The following PDZD7 variants were observed in gnomAD, a reference collection of about 807,000 sequenced individuals.
The protein encoded by PDZD7 is PDZ domain-containing protein 7.
A neutral mutation model predicts 84.7 loss-of-function variants in PDZD7; 72 were observed. The observed-to-expected ratio is 0.85, with a 90% CI of 0.70 to 1.03. PDZD7 has a LOEUF of 1.03. Ranked by LOEUF, PDZD7 falls within the 50% of genes least tolerant of loss-of-function variation. The probability of loss-of-function intolerance (pLI) is 0.00; values close to 1 mark genes in which losing one functional copy is unlikely to be tolerated. For synonymous variants in PDZD7, 594 were observed against 580.7 expected (o/e 1.02, Z -0.33); for missense variants, 1,490 against 1,412.9 (o/e 1.05, Z -0.87).
chr10:101,021,799 T>G lies in PDZD7; in HGVS notation c.866A>C (p.Lys289Thr), dbSNP rs1433728826. The G allele has an allele frequency of 6.2e-7, 1 of 1,614,182 alleles. No homozygotes were observed. Among genetic ancestry groups the G allele is most frequent in the Non-Finnish European group, 8.5e-7 (1 of 1,180,030 alleles). Residue 289 changes from lysine to threonine, a missense_variant and splice_region_variant, in exon 6 of 17, where the codon AAG becomes ACG. Physicochemically the swap from Lys to Thr is moderately conservative, Grantham distance 78 (BLOSUM62 -1). Transcript: ENST00000619208. ...KGQTHIMLTIKETGRYPAYKE... is the reference protein window; with the variant it reads ...KGQTHIMLTITETGRYPAYKE... ...CCCTACCCCCACTGTTCTGCCCACCTTGATGGTCAGCATGATGTGCGTTTG... is the reference window on the plus strand; with the variant it reads ...CCCTACCCCCACTGTTCTGCCCACCGTGATGGTCAGCATGATGTGCGTTTG...
Position 101,009,298 on chromosome 10 carries a change from T to C in PDZD7, c.2670A>G (p.Ile890Met), listed in dbSNP as rs1852315432. Residue 890 changes from isoleucine (I) to methionine (M), a missense_variant, in exon 16 of 17, where the codon ATA becomes ATG. Ile to Met is a conservative substitution (Grantham distance 10, BLOSUM62 1). Transcript: ENST00000619208. ...IESKVQPMVK[I>M]EKIFPGGAAF... ...CGGCCCCCCCAGGGAAGATCTTCTC[T>C]ATCTTCACCATGGGCTGCACCTTGG... 3 of 1,536,042 alleles carry C rather than the reference T, an allele frequency of 2.0e-6. No homozygotes were observed. Among genetic ancestry groups the C allele is most frequent in the Non-Finnish European group, 2.6e-6 (3 of 1,146,852 alleles).
At chr10:101,011,084 T>C in intron 14 of PDZD7, 2 of 1,414,392 alleles carry the variant, frequency 1.4e-6, no homozygotes, top group East Asian at 5.1e-5. Context: ...TCTCACTCTG[T>C]TGCCCAGGCG....
chr10:101,023,386 G>A (rs1226923272), intron 4 of PDZD7, 50 bp downstream of exon 4: 1 of 1,610,570 alleles, frequency 6.2e-7, no homozygotes, highest in African/African-American at 1.3e-5. Flanking sequence ...TGGTAGGGTT[G>A]GGGTGGGCTG....
Position 101,007,817 on chromosome 10 carries a change from A to AAT in PDZD7, c.*649_*650insAT, listed in dbSNP as rs1564820553. 2 of 287,118 alleles carry AAT rather than the reference A, an allele frequency of 7.0e-6. No individual in the cohort carries two copies. Among genetic ancestry groups the AAT allele is most frequent in the African/African-American group, 4.9e-5 (2 of 40,714 alleles). 17.8% of individuals were successfully genotyped at this position (287,118 alleles called of 1,614,324 possible). The stretch of plus-strand genomic sequence containing the variant: ...AAACCCAAAGAAAAAATTAAAAAAA[A>AAT]TTTTTTTGTTTAAAAATAATGTGAA... On this transcript the variant is annotated 3_prime_UTR_variant, in exon 17 of 17. Transcript: ENST00000619208.
In PDZD7 at chr10:101,030,202, T is replaced by C. The variant is rs368303229; in HGVS notation, c.18A>G (p.Ala6=). Residue 6 remains alanine, a synonymous_variant, in exon 2 of 17, where the codon GCA becomes GCG. Transcript: ENST00000619208. ...CTAGGCCCAGTGGGTCGAAGCCCAC[T>C]GCGAAACCCTGCGCCATGGCGGCTG... MAQGF[A]VGFDPLGLGD... 9.9e-6 allele frequency: 16 copies of C among 1,609,672 alleles called. No homozygotes were observed. In the African/African-American group the frequency reaches 2.1e-4, roughly 21 times the overall value.
At chr10:101,025,521 A>ATTTT (rs1283948744) in intron 2 of PDZD7, among the ~76,000 whole-genome samples, 2 of 112,198 alleles carry the variant, frequency 1.8e-5, no homozygotes, top group African/African-American at 3.8e-5. Context: ...AATGGAAGGG[A>ATTTT]TTTTATTTAT....
At chr10:101,022,683 C>T (rs781496989) in intron 4 of PDZD7, among the ~76,000 whole-genome samples, 4 of 151,844 alleles carry the variant, frequency 2.6e-5, no homozygotes, top group African/African-American at 4.8e-5. Context: ...GCAGCCTCAA[C>T]CTCCTGGGCT....
intron 8 of PDZD7, 100 bp from the exon 9 acceptor site, chr10:101,018,396 G>T: frequency 7.7e-7 from 1 of 1,296,758 alleles, no homozygotes; most frequent in Non-Finnish European, 1.1e-6. Context: ...GGAGAGGAGA[G>T]GGCAGACAGG....
At position 101,023,983 on chromosome 10, in the gene PDZD7, G is replaced by C. The variant is rs775293957; in HGVS notation, c.312C>G (p.Gly104=). Residue 104 remains glycine, a synonymous_variant, in exon 3 of 17, where the codon GGC becomes GGG. Transcript: ENST00000619208. The stretch of plus-strand genomic sequence containing the variant: ...CGAAGATGCCCAGGCCATGCTCTGA[G>C]CCCCCGCGCACGCTGAAGCCCAGCC... ...AGRLGFSVRG[G]SEHGLGIFVS... 1 of 1,614,226 alleles carries C rather than the reference G, an allele frequency of 6.2e-7. No homozygotes were observed. Among genetic ancestry groups the C allele is most frequent in the South Asian group, 1.1e-5 (1 of 91,082 alleles).
intron 11 of PDZD7, among the ~76,000 whole-genome samples, chr10:101,012,964 A>G (rs567457951): frequency 6.6e-6 from 1 of 152,344 alleles, no homozygotes; most frequent in African/African-American, 2.4e-5. Flanking sequence ...AGACCTGAAC[A>G]CTGGGAGCCA....
chr10:101,009,113 C>A, intron 16 of PDZD7, 137 bp downstream of exon 16: 1 of 846,822 alleles, frequency 1.2e-6, no homozygotes. Flanking sequence ...TCCTGCTCAC[C>A]TGAACCCCCT....
rs370045020 is a variant in PDZD7, at chr10:101,023,959, G to A, written c.336C>T (p.Phe112=). The change falls in exon 3 of 17, where the codon TTC becomes TTT. Residue 112 remains phenylalanine (F), a synonymous_variant. Coordinates refer to ENST00000619208, the MANE Select transcript of PDZD7 (RefSeq NM_001195263.2). ...TGCTGCCTTCCTCCACTTTGCTGAC[G>A]AAGATGCCCAGGCCATGCTCTGAGC... ...RGGSEHGLGI[F]VSKVEEGSSA... 171 of 1,614,238 alleles carry A rather than the reference G, an allele frequency of 1.1e-4. No individual in the cohort carries two copies. Among genetic ancestry groups the A allele is most frequent in the Non-Finnish European group, 1.4e-4 (161 of 1,180,052 alleles).
In PDZD7 at chr10:101,022,347, C is replaced by T. The variant is rs1458612807; in HGVS notation, c.581G>A (p.Cys194Tyr). 10 of 1,614,036 alleles carry T rather than the reference C, an allele frequency of 6.2e-6. No individual in the cohort carries two copies. Among genetic ancestry groups the T allele is most frequent in the Non-Finnish European group, 6.8e-6 (8 of 1,180,040 alleles). Residue 194 changes from cysteine (C) to tyrosine (Y), a missense_variant, in exon 5 of 17, where the codon TGC (cysteine) becomes TAC (tyrosine). Transcript: ENST00000619208. ...VVNRRLVVEK[C>Y]GSTPSDTSSE... ...GCTGGTGTCGGAGGGTGTTGAACCG[C>T]ACTTCTCCACTACCAGGCGCCGATT...
intron 10 of PDZD7, 26 bp downstream of exon 10, chr10:101,016,351 C>T (rs1852626160): frequency 6.5e-7 from 1 of 1,550,142 alleles, no homozygotes; most frequent in Non-Finnish European, 8.7e-7. Context: ...GTAAACTAGG[C>T]CTTGGTAAAG....
Position 101,008,331 on chromosome 10 carries a change from GAT to G in PDZD7, c.*134_*135del. 1 of 908,858 alleles carries G rather than the reference GAT, an allele frequency of 1.1e-6. No homozygotes were observed. The highest frequency in any genetic ancestry group is 1.7e-5 in the African/African-American group (1 of 59,566). The allele number at this position is 908,858 out of a possible 1,614,324, so 56.3% of individuals were successfully genotyped here. A position where few individuals can be genotyped will look rare whatever the true frequency, so the allele number is the denominator to read the frequency against. On this transcript the variant is annotated 3_prime_UTR_variant, in exon 17 of 17. Coordinates refer to ENST00000619208, the MANE Select transcript of PDZD7 (RefSeq NM_001195263.2). ...AGCTGAGGAGGGAAGAAAGTGGAAA[GAT>G]GTGAGCCACCAGTGTGGCACTGGGA...
In PDZD7 at chr10:101,012,499, G is replaced by A. The variant is rs11591425; in HGVS notation, c.1750-241C>T. Among the ~76,000 whole-genome samples, 10,120 of 152,226 alleles carry A rather than the reference G, an allele frequency of 0.066. 377 individuals carry two copies. The highest frequency in any genetic ancestry group is 0.073 in the African/African-American group (3,030 of 41,514). ...GGCAACAGCATCGATAACAGCTTTGGGACAGACACTTTTCTAAGCCTTTTA... is the reference window on the plus strand; with the variant it reads ...GGCAACAGCATCGATAACAGCTTTGAGACAGACACTTTTCTAAGCCTTTTA... On this transcript the variant is annotated intron_variant, in intron 11 of 16. Transcript: ENST00000619208.
chr10:101,018,470 C>T (rs1852843336), intron 8 of PDZD7, among the ~76,000 whole-genome samples, 174 bp from the exon 9 acceptor site: 1 of 152,096 alleles, frequency 6.6e-6, no homozygotes. Flanking sequence ...TTTTCCCCAC[C>T]GCACAGCTGT....
In PDZD7 at chr10:101,020,674, G is replaced by T; in HGVS notation, c.872C>A (p.Thr291Asn). The T allele has an allele frequency of 6.2e-7, 1 of 1,613,816 alleles. No individual in the cohort carries two copies. ...QTHIMLTIKE[T>N]GRYPAYKEMV... is the part of the protein sequence containing the mutation. Reference sequence around the variant, plus strand: ...CTCCTTGTAGGCAGGATACCGGCCGGTCTCCTGGGGAGGGGATGGTGGGCA... The same window carrying T: ...CTCCTTGTAGGCAGGATACCGGCCGTTCTCCTGGGGAGGGGATGGTGGGCA... The change falls in exon 7 of 17, where the codon ACC becomes AAC. Residue 291 changes from threonine to asparagine, a missense_variant. Coordinates refer to ENST00000619208, the MANE Select transcript of PDZD7 (RefSeq NM_001195263.2).
At position 101,010,731 on chromosome 10, in the gene PDZD7, C is replaced by T. The variant is rs765787538; in HGVS notation, c.2158G>A (p.Val720Met). 9.3e-6 allele frequency: 14 copies of T among 1,512,262 alleles called. No homozygotes were observed. The African/African-American group carries it at 1.2e-4, about 13-fold the overall frequency. The allele number at this position is 1,512,262 out of a possible 1,614,324, so 93.7% of individuals were successfully genotyped here. A position where few individuals can be genotyped will look rare whatever the true frequency, so the allele number is the denominator to read the frequency against. The stretch of plus-strand genomic sequence containing the variant: ...AGGGGGGTGAAGGCATCTACTGGCA[C>T]GTCTTGTAGAGGGGGGATCCCTTTA... ...PHKGIPPLQD[V>M]PVDAFTPLRI... Residue 720 changes from valine to methionine, a missense_variant, in exon 15 of 17, where the codon GTG becomes ATG. Physicochemically the swap from Val to Met is conservative, Grantham distance 21. Transcript: ENST00000619208.
Sources: gnomAD v4.1 joint callset for allele counts (sites outside exome capture counted in the v4.1 genomes callset) on GRCh38, gnomAD v4.1.1 for gene constraint, MANE v1.5 for transcripts, NCBI Gene and HGNC (gene_info 2026-07-23, HGNC 2026-07-21) for gene names.